Variants in COLEC12 observed in about 807,000 individuals in gnomAD.
COLEC12 encodes the protein collectin-12.
A neutral mutation model predicts 71.1 loss-of-function variants in COLEC12; 33 were observed. That is an observed-to-expected ratio of 0.46 (90% confidence interval 0.35 to 0.62). The LOEUF (loss-of-function observed/expected upper bound fraction) is 0.62, where lower values mean the gene tolerates loss of function less well. Ranked by LOEUF, COLEC12 falls within the 20% of genes least tolerant of loss-of-function variation. The pLI, the probability that COLEC12 is intolerant of heterozygous loss-of-function variation, is 0.00. For missense variants in COLEC12, 765 were observed against 916.1 expected (o/e 0.84, Z 2.13); for synonymous variants, 350 against 353.0 (o/e 0.99, Z 0.10).
In COLEC12 at chr18:480,834, CTTCATCG is replaced by C; in HGVS notation, c.8-84_8-78del. On this transcript the variant is annotated intron_variant, in intron 1 of 9. Transcript: ENST00000400256. The surrounding 1 kb of genome is among the most constrained non-coding windows in gnomAD (Gnocchi z 4.1). Reference sequence around the variant, plus strand: ...AGAGGGTGGGGCAGGATGCGACCTGCTTCATCGCCCCTGCTTGTCACAGCAGCTTTCC... The same window carrying C: ...AGAGGGTGGGGCAGGATGCGACCTGCCCCCTGCTTGTCACAGCAGCTTTCC... 1 of 1,196,922 alleles carries C rather than the reference CTTCATCG, an allele frequency of 8.4e-7. No homozygotes were observed. Among genetic ancestry groups the C allele is most frequent in the Non-Finnish European group, 1.3e-6 (1 of 799,278 alleles). The allele number at this position is 1,196,922 out of a possible 1,614,324, so 74.1% of individuals were successfully genotyped here.
At position 430,335 on chromosome 18, in the gene COLEC12, A is replaced by G. The variant is rs552498821; in HGVS notation, c.58+50372T>C. 7.2e-3 allele frequency among the ~76,000 whole-genome samples: 1,076 copies of G among 149,782 alleles called. 8 individuals are homozygous for G. The highest frequency in any genetic ancestry group is 0.01 in the Non-Finnish European group (676 of 67,230). On this transcript the variant is annotated intron_variant, in intron 2 of 9. Transcript: ENST00000400256. Reference sequence around the variant, plus strand: ...GGTGTCAGAGAGAGATTCTGTTTCAAAAAAAAAAAAATTAGAAGAAAGAAC... The same window carrying G: ...GGTGTCAGAGAGAGATTCTGTTTCAGAAAAAAAAAAATTAGAAGAAAGAAC...
chr18:397,200 A>T (rs939670614), intron 2 of COLEC12, among the ~76,000 whole-genome samples: 1 of 151,952 alleles, frequency 6.6e-6, no homozygotes, highest in Admixed American at 6.6e-5. Context: ...ATCCATTCAG[A>T]CTTTGTTTGC....
chr18:330,880 T>TG (rs1339182888), intron 8 of COLEC12, among the ~76,000 whole-genome samples: 2 of 150,654 alleles, frequency 1.3e-5, no homozygotes, highest in South Asian at 2.1e-4. Flanking sequence ...GTAGTTTTTT[T>TG]TTTTTTTTTT....
intron 1 of COLEC12, among the ~76,000 whole-genome samples, chr18:491,782 T>G (rs1019243677): frequency 6.6e-6 from 1 of 152,210 alleles, no homozygotes; most frequent in South Asian, 2.1e-4. Context: ...GATGAAAATT[T>G]ATCTTAACGT....
chr18:391,431 A>T (rs778277309), intron 2 of COLEC12, among the ~76,000 whole-genome samples: 1 of 152,178 alleles, frequency 6.6e-6, no homozygotes, highest in African/African-American at 2.4e-5. Flanking sequence ...GCGAATACAC[A>T]TGTGTTGTGG....
At chr18:360,645 C>G (rs185344265) in intron 2 of COLEC12, among the ~76,000 whole-genome samples, 16 of 152,272 alleles carry the variant, frequency 1.1e-4, no homozygotes, top group African/African-American at 3.1e-4. Context: ...TTCAGTGGGT[C>G]TGAGGGAGGA....
At chr18:459,771 G>T (rs1397303131) in intron 2 of COLEC12, among the ~76,000 whole-genome samples, 4 of 152,252 alleles carry the variant, frequency 2.6e-5, no homozygotes, top group Admixed American at 6.5e-5. Context: ...GTACAGGAGA[G>T]AAATGGATGC....
Position 369,400 on chromosome 18 carries a change from T to A in COLEC12, c.59-11878A>T, listed in dbSNP as rs1394421162. On this transcript the variant is annotated intron_variant, in intron 2 of 9. Coordinates refer to ENST00000400256, the MANE Select transcript of COLEC12 (RefSeq NM_130386.3). ...TGATACAGATCTTTTTTTTTTTATT[T>A]TTTTTTATTTTTATTTTTATTTTTA... Among the ~76,000 whole-genome samples the A allele has an allele frequency of 7.7e-4, 105 of 136,918 alleles. 1 individual carries two copies. The highest frequency in any genetic ancestry group is 7.2e-3 in the East Asian group (36 of 5,000). The allele number at this position is 136,918 out of a possible 152,430, so 89.8% of individuals were successfully genotyped here. A position where few individuals can be genotyped will look rare whatever the true frequency, so the allele number is the denominator to read the frequency against.
At chr18:404,527 G>A (rs976177750) in intron 2 of COLEC12, among the ~76,000 whole-genome samples, 4 of 152,318 alleles carry the variant, frequency 2.6e-5, no homozygotes, top group East Asian at 1.9e-4. Context: ...AAAGTGGGAC[G>A]AAGGGTGGTG....
intron 1 of COLEC12, among the ~76,000 whole-genome samples, chr18:497,753 GCTTT>G (rs1427168240): frequency 2.0e-5 from 3 of 152,150 alleles, no homozygotes; most frequent in Non-Finnish European, 4.4e-5. Flanking sequence ...GCTTGTCGTT[GCTTT>G]CTATCATGTT....
At chr18:403,899 G>A (rs748551106) in intron 2 of COLEC12, among the ~76,000 whole-genome samples, 1 of 152,216 alleles carries the variant, frequency 6.6e-6, no homozygotes, top group Non-Finnish European at 1.5e-5. Flanking sequence ...CAAAGGATTG[G>A]AAGAGGCTTT....
At chr18:423,915 C>A (rs1394841626) in intron 2 of COLEC12, 1 of 152,204 alleles carries the variant, frequency 6.6e-6, no homozygotes, top group Non-Finnish European at 1.5e-5. Context: ...AAGGGCTCAT[C>A]TGATGTCAAG....
At chr18:383,226 C>T (rs573363851) in intron 2 of COLEC12, among the ~76,000 whole-genome samples, 13 of 152,272 alleles carry the variant, frequency 8.5e-5, no homozygotes, top group African/African-American at 2.9e-4. Context: ...AAAGCCAGAA[C>T]ATAATTTAAT....
At chr18:378,443 T>C (rs1045163484) in intron 2 of COLEC12, among the ~76,000 whole-genome samples, 2 of 152,222 alleles carry the variant, frequency 1.3e-5, no homozygotes, top group African/African-American at 4.8e-5. Flanking sequence ...TATTCTTCCA[T>C]TCTTTTGTGT....
intron 2 of COLEC12, among the ~76,000 whole-genome samples, chr18:429,525 G>A (rs1378455745): frequency 1.3e-5 from 2 of 152,030 alleles, no homozygotes; most frequent in African/African-American, 2.4e-5. Flanking sequence ...GGGATTACAG[G>A]TGCCTGCCAC....
chr18:342,484 G>A (rs936064172), intron 5 of COLEC12, among the ~76,000 whole-genome samples: 6 of 152,194 alleles, frequency 3.9e-5, no homozygotes, highest in Middle Eastern at 3.2e-3. Context: ...GGAATTTTCC[G>A]GAAAGCATCA....
intron 2 of COLEC12, among the ~76,000 whole-genome samples, chr18:373,366 C>G (rs1440203715): frequency 6.6e-6 from 1 of 152,152 alleles, no homozygotes; most frequent in Non-Finnish European, 1.5e-5. Flanking sequence ...GAGCAGACCT[C>G]TCCCGTCAGA....
chr18:341,164 A>C (rs1397251338), intron 5 of COLEC12, among the ~76,000 whole-genome samples: 1 of 152,236 alleles, frequency 6.6e-6, no homozygotes, highest in African/African-American at 2.4e-5. Flanking sequence ...CTCTGCTGTC[A>C]GTAAACTCTC....
At chr18:344,178 TA>T (rs1196276781) in intron 5 of COLEC12, among the ~76,000 whole-genome samples, 1 of 152,200 alleles carries the variant, frequency 6.6e-6, no homozygotes, top group East Asian at 1.9e-4. Context: ...GACTCACACC[TA>T]CCATATCCCT....
Sources: gnomAD v4.1 joint callset for allele counts (sites outside exome capture counted in the v4.1 genomes callset) on GRCh38, gnomAD v4.1.1 for gene constraint, Gnocchi (gnomAD v3.1) non-coding constraint, MANE v1.5 for transcripts, NCBI Gene and HGNC (gene_info 2026-07-23, HGNC 2026-07-21) for gene names.